The following APBB2 variants were observed in gnomAD, a reference collection of about 807,000 sequenced individuals.
The protein encoded by APBB2 is amyloid beta precursor protein binding family B member 2, also known as Fe65-like 1.
A neutral mutation model predicts 82.5 loss-of-function variants in APBB2; 38 were observed. The observed-to-expected ratio is 0.46, with a 90% CI of 0.36 to 0.60. The LOEUF (loss-of-function observed/expected upper bound fraction) is 0.60. Ranked by LOEUF, APBB2 falls within the 20% of genes least tolerant of loss-of-function variation. The pLI, the probability that APBB2 is intolerant of heterozygous loss-of-function variation, is 0.00. For synonymous variants in APBB2, 341 were observed against 368.2 expected (o/e 0.93, Z 0.85); for missense variants, 772 against 972.3 (o/e 0.79, Z 2.74).
At chr4:40,905,210 C>T (rs905985865) in intron 10 of APBB2, among the ~76,000 whole-genome samples, 8 of 152,110 alleles carry the variant, frequency 5.3e-5, no homozygotes, top group African/African-American at 9.7e-5. Context: ...CTTGCCTGCC[C>T]GCCACCCACT....
intron 6 of APBB2, among the ~76,000 whole-genome samples, chr4:41,006,257 T>C (rs1458472692): frequency 3.3e-5 from 5 of 152,174 alleles, no homozygotes; most frequent in Non-Finnish European, 5.9e-5. Context: ...AAACACACTA[T>C]CTACCCCAGA....
At chr4:40,914,837 G>T (rs565585823) in intron 10 of APBB2, among the ~76,000 whole-genome samples, 2 of 152,142 alleles carry the variant, frequency 1.3e-5, no homozygotes, top group Non-Finnish European at 2.9e-5. Flanking sequence ...AGGGTGGGGG[G>T]TGGTGCTTAA....
chr4:41,173,947 A>T (rs930704463), intron 1 of APBB2, among the ~76,000 whole-genome samples: 9 of 138,446 alleles, frequency 6.5e-5, no homozygotes, highest in African/African-American at 2.9e-4. Context: ...AAGATGGAGA[A>T]GAACATGATT....
intron 12 of APBB2, among the ~76,000 whole-genome samples, chr4:40,850,804 G>A (rs1759092816): frequency 6.6e-6 from 1 of 152,182 alleles, no homozygotes; most frequent in African/African-American, 2.4e-5. Context: ...ATAGCCAGGT[G>A]TGGTGGTGTG....
At chr4:41,061,695 G>A (rs928029086) in intron 4 of APBB2, among the ~76,000 whole-genome samples, 9 of 152,146 alleles carry the variant, frequency 5.9e-5, no homozygotes, top group African/African-American at 2.2e-4. Flanking sequence ...TGAAAAGCCT[G>A]GCAAGAACAG....
intron 12 of APBB2, among the ~76,000 whole-genome samples, chr4:40,874,354 G>A (rs1766301682): frequency 6.6e-6 from 1 of 152,080 alleles, no homozygotes; most frequent in Non-Finnish European, 1.5e-5. Flanking sequence ...TTATCCAAGG[G>A]CAATTTAACA....
At chr4:41,141,823 C>G (rs562242276) in intron 2 of APBB2, among the ~76,000 whole-genome samples, 1 of 152,322 alleles carries the variant, frequency 6.6e-6, no homozygotes, top group East Asian at 1.9e-4. Flanking sequence ...TCATAAGACT[C>G]ATTACCTATC....
rs534815144 is a variant in APBB2, at chr4:40,847,700, G to A, written c.1530-17123C>T. On this transcript the variant is annotated intron_variant, in intron 12 of 17. Transcript: ENST00000508593. ...TTGTGGATATGGTGAATCACTTTCTGAATTTTCAAGGGGCTTTCTTTGTGC... is the reference window on the plus strand; with the variant it reads ...TTGTGGATATGGTGAATCACTTTCTAAATTTTCAAGGGGCTTTCTTTGTGC... 6.6e-5 allele frequency among the ~76,000 whole-genome samples: 10 copies of A among 152,230 alleles called. No homozygotes were observed. In the East Asian group the frequency reaches 1.7e-3, roughly 26 times the overall value.
At chr4:40,891,138 G>A (rs1771903432) in intron 11 of APBB2, among the ~76,000 whole-genome samples, 1 of 152,224 alleles carries the variant, frequency 6.6e-6, no homozygotes, top group Admixed American at 6.5e-5. Flanking sequence ...GGGAAACTGA[G>A]GCTGAAAGGT....
At chr4:40,948,704 G>C (rs1003747452) in intron 6 of APBB2, among the ~76,000 whole-genome samples, 30 of 147,926 alleles carry the variant, frequency 2.0e-4, no homozygotes, top group African/African-American at 7.5e-4. Flanking sequence ...AGGTTGCAGT[G>C]AGCTGAGATT....
Position 40,826,060 on chromosome 4 carries a change from GACAC to G in APBB2, c.1733-94_1733-91del. 6 of 948,714 alleles carry G rather than the reference GACAC, an allele frequency of 6.3e-6. No homozygotes were observed. The highest frequency in any genetic ancestry group is 8.7e-6 in the Non-Finnish European group (5 of 575,188). The allele number at this position is 948,714 out of a possible 1,614,324, so 58.8% of individuals were successfully genotyped here. A position where few individuals can be genotyped will look rare whatever the true frequency, so the allele number is the denominator to read the frequency against. On this transcript the variant is annotated intron_variant, in intron 14 of 17. Transcript: ENST00000508593. The surrounding 1 kb of genome is among the most constrained non-coding windows in gnomAD (Gnocchi z 4.5). ...GGCTCTGCATCATCTGAATGCTCAG[GACAC>G]GCCCTGTGCCATAACGCCCTATGTT...
At chr4:41,197,207 T>C in intron 1 of APBB2, among the ~76,000 whole-genome samples, 2 of 152,280 alleles carry the variant, frequency 1.3e-5, no homozygotes, top group African/African-American at 2.4e-5. Context: ...TCGAACAATA[T>C]GCATGTTATT....
At chr4:40,956,607 G>T (rs1791702395) in intron 6 of APBB2, among the ~76,000 whole-genome samples, 1 of 149,782 alleles carries the variant, frequency 6.7e-6, no homozygotes. Context: ...TATTTTAACA[G>T]TTGTTTAAAA....
chr4:40,968,003 A>G (rs968048448), intron 6 of APBB2, among the ~76,000 whole-genome samples: 50 of 152,352 alleles, frequency 3.3e-4, no homozygotes, highest in East Asian at 5.8e-4. Flanking sequence ...AAAAGCATAA[A>G]AAGTGCCAAA....
chr4:41,180,031 C>T (rs978818496), intron 1 of APBB2, among the ~76,000 whole-genome samples: 1 of 152,138 alleles, frequency 6.6e-6, no homozygotes, highest in Non-Finnish European at 1.5e-5. Flanking sequence ...AATTTCAATG[C>T]TGAATTTAAG....
At chr4:40,889,629 C>T (rs1771384355) in intron 12 of APBB2, among the ~76,000 whole-genome samples, 1 of 152,130 alleles carries the variant, frequency 6.6e-6, no homozygotes. Flanking sequence ...TTAATGTAGA[C>T]CAATTACTTA....
intron 6 of APBB2, among the ~76,000 whole-genome samples, 169 bp downstream of exon 6, chr4:41,013,414 T>C (rs369264674): frequency 1.4e-4 from 21 of 152,336 alleles, no homozygotes; most frequent in African/African-American, 4.3e-4. Flanking sequence ...TAAAATATGG[T>C]TGAGGAATGC....
chr4:40,860,708 G>A (rs1441158035), intron 12 of APBB2, among the ~76,000 whole-genome samples: 1 of 152,102 alleles, frequency 6.6e-6, no homozygotes, highest in Admixed American at 6.5e-5. Context: ...TGTATTTTCG[G>A]CAGTAAGCAC....
At chr4:41,116,360 T>C (rs1332169216) in intron 2 of APBB2, among the ~76,000 whole-genome samples, 2 of 152,162 alleles carry the variant, frequency 1.3e-5, no homozygotes, top group Non-Finnish European at 2.9e-5. Context: ...AAATACCTAA[T>C]GTATATGGCG....
Sources: allele counts gnomAD v4.1 joint callset (sites outside exome capture counted in the v4.1 genomes callset), GRCh38; gene constraint gnomAD v4.1.1; non-coding constraint Gnocchi (gnomAD v3.1); transcripts MANE v1.5; gene names NCBI Gene and HGNC (gene_info 2026-07-23, HGNC 2026-07-21).